POR: variants seen among roughly 807,000 people sequenced by gnomAD.
The protein encoded by POR is cytochrome p450 oxidoreductase.
POR carries 56 observed loss-of-function variants against 84.0 expected under a neutral mutation model. The observed-to-expected ratio is 0.67, with a 90% CI of 0.54 to 0.83. The LOEUF (loss-of-function observed/expected upper bound fraction) is 0.83. Among genes scored for constraint, POR ranks in the 40% least tolerant of loss-of-function variants. The pLI, the probability that POR is intolerant of heterozygous loss-of-function variation, is 0.00. For synonymous variants in POR, 414 were observed against 400.5 expected, an observed-to-expected ratio of 1.03 and a Z score of -0.40; for missense variants, 938 against 944.3, an observed-to-expected ratio of 0.99 and a Z score of 0.09.
At chr7:75,951,961 G>A (rs1304540988) in intron 1 of POR, among the ~76,000 whole-genome samples, 1 of 151,610 alleles carries the variant, frequency 6.6e-6, no homozygotes, top group Non-Finnish European at 1.5e-5. Context: ...GCCGGGCGGG[G>A]GGCTGACCCC....
chr7:75,945,680 G>A (rs1787143382), intron 1 of POR, among the ~76,000 whole-genome samples: 1 of 152,284 alleles, frequency 6.6e-6, no homozygotes, highest in South Asian at 2.1e-4. Context: ...CCTGCAGCCA[G>A]AAGGTGCAGC....
intron 1 of POR, among the ~76,000 whole-genome samples, chr7:75,931,559 G>A (rs1476551889): frequency 6.6e-6 from 1 of 151,840 alleles, no homozygotes; most frequent in African/African-American, 2.4e-5. Context: ...AGTAGAGACG[G>A]GGTTTCACCA....
In POR at chr7:75,969,082, G is replaced by A. The variant is rs973360731; in HGVS notation, c.189-3331G>A. Among the ~76,000 whole-genome samples the A allele has an allele frequency of 8.5e-5, 13 of 152,304 alleles. No individual in the cohort carries two copies. The East Asian group carries it at 1.9e-3, about 23-fold the overall frequency. ...TCTGCTCCCTTTGAAGCCCTGTGGC[G>A]TGAACCTGTCCTGTCCCATCCGTCC... On this transcript the variant is annotated intron_variant, in intron 2 of 15. Coordinates refer to ENST00000461988, the MANE Select transcript of POR (RefSeq NM_000941.3).
At chr7:75,984,544 C>T (rs1221323507) in intron 10 of POR, among the ~76,000 whole-genome samples, 2 of 152,164 alleles carry the variant, frequency 1.3e-5, no homozygotes, top group African/African-American at 4.8e-5. Context: ...AGGGGCTCCC[C>T]CGCACCTCCC....
chr7:75,971,036 A>T (rs1474381806), intron 2 of POR: 1 of 138,040 alleles, frequency 7.2e-6, no homozygotes, highest in Non-Finnish European at 1.6e-5. Flanking sequence ...ATCTCGGCTC[A>T]CTGCAACCTC....
chr7:75,980,434 C>A lies in POR; in HGVS notation c.462C>A (p.Asp154Glu). 2.5e-6 allele frequency: 4 copies of A among 1,613,342 alleles called. No individual in the cohort carries two copies. The highest frequency in any genetic ancestry group is 3.4e-6 in the Non-Finnish European group (4 of 1,179,882). The change falls in exon 5 of 16, where the codon GAC becomes GAA. Residue 154 changes from aspartate (D) to glutamate (E), a missense_variant. Transcript: ENST00000461988. ...GAGACCCCACCGACAATGCCCAGGA[C>A]TTCTACGACTGGCTGCAGGAGACAG...
Position 75,947,476 on chromosome 7 carries a change from G to T in POR, c.-4-6513G>T, listed in dbSNP as rs375740480. On this transcript the variant is annotated intron_variant, in intron 1 of 15. Transcript: ENST00000461988. ...CGCCCAGCTAATTTTTGTATTTTTAGTAGAGACGGGGTTTCACCATGTTGG... is the reference window on the plus strand; with the variant it reads ...CGCCCAGCTAATTTTTGTATTTTTATTAGAGACGGGGTTTCACCATGTTGG... Among the ~76,000 whole-genome samples the T allele has an allele frequency of 2.0e-4, 30 of 152,170 alleles. No individual in the cohort carries two copies. The East Asian group carries it at 5.6e-3, about 28-fold the overall frequency.
Position 75,979,494 on chromosome 7 carries a change from C to A in POR, c.281C>A (p.Ala94Glu). The change falls in exon 4 of 16, where the codon GCA becomes GAA. Residue 94 changes from alanine to glutamate, a missense_variant. By Grantham distance (107) the Ala-to-Glu change is moderately radical. Transcript: ENST00000461988. ...TTCTACGGCTCCCAGACGGGGACTG[C>A]AGAGGAGTTTGCCAACCGCCTGTCC... is the stretch of plus-strand genomic sequence containing the variant. 5 of 1,613,470 alleles carry A rather than the reference C, an allele frequency of 3.1e-6. No homozygotes were observed. Among genetic ancestry groups the A allele is most frequent in the Non-Finnish European group, 4.2e-6 (5 of 1,179,848 alleles).
chr7:75,980,250 G>A (rs1212569751), intron 4 of POR, 89 bp from the exon 5 acceptor site: 2 of 1,489,790 alleles, frequency 1.3e-6, no homozygotes, highest in Non-Finnish European at 1.8e-6. Context: ...GCCACCCTGG[G>A]CAGGACCTGG....
At chr7:75,956,331 T>C (rs1787683329) in intron 2 of POR, among the ~76,000 whole-genome samples, 2 of 152,144 alleles carry the variant, frequency 1.3e-5, no homozygotes, top group African/African-American at 4.8e-5. Context: ...GGTTCAATCT[T>C]ATCTCCATCA....
intron 1 of POR, among the ~76,000 whole-genome samples, chr7:75,928,893 G>A (rs1353299205): frequency 6.6e-6 from 1 of 152,092 alleles, no homozygotes; most frequent in East Asian, 1.9e-4. Flanking sequence ...AGCTCTCTTG[G>A]TGGTGTCTGA....
chr7:75,982,871 A>G (rs546948888), intron 8 of POR, among the ~76,000 whole-genome samples: 1 of 152,262 alleles, frequency 6.6e-6, no homozygotes, highest in Non-Finnish European at 1.5e-5. Flanking sequence ...TCCACGGTGT[A>G]GTCCAGGACG....
intron 3 of POR, among the ~76,000 whole-genome samples, chr7:75,975,860 C>T (rs908097979): frequency 8.0e-5 from 10 of 124,960 alleles, no homozygotes; most frequent in Admixed American, 3.0e-4. Context: ...CTCTGTTGCC[C>T]AGGCTGTTCT....
At chr7:75,949,722 G>T (rs1787329229) in intron 1 of POR, among the ~76,000 whole-genome samples, 1 of 151,950 alleles carries the variant, frequency 6.6e-6, no homozygotes, top group African/African-American at 2.4e-5. Context: ...GTTTCACCAT[G>T]TTGGCCAGGC....
intron 1 of POR, chr7:75,922,657 A>G (rs548142703): frequency 1.2e-4 from 30 of 260,182 alleles, no homozygotes; most frequent in Non-Finnish European, 1.3e-4. Context: ...TCCAAAGTAC[A>G]GTAGGAACTT....
At position 75,983,525 on chromosome 7, in the gene POR, T is replaced by G; in HGVS notation, c.836T>G (p.Phe279Cys). 6.2e-7 allele frequency: 1 copy of G among 1,612,402 alleles called. No homozygotes were observed. Residue 279 changes from phenylalanine to cysteine, a missense_variant, in exon 9 of 16, where the codon TTT becomes TGT. Coordinates refer to ENST00000461988, the MANE Select transcript of POR (RefSeq NM_000941.3). ...CTTCTCTCCTCCCCACCCAGCCCCT[T>G]TGATGCCAAGAATCCGTTCCTGGCT...
chr7:75,971,387 C>T (rs574578357), intron 2 of POR, among the ~76,000 whole-genome samples: 2 of 152,242 alleles, frequency 1.3e-5, no homozygotes, highest in East Asian at 1.9e-4. Context: ...ATTCAGCCAG[C>T]GTTTTTCACC....
chr7:75,965,455 C>A (rs782131781), intron 2 of POR, among the ~76,000 whole-genome samples: 9 of 152,170 alleles, frequency 5.9e-5, no homozygotes, highest in Non-Finnish European at 1.0e-4. Context: ...CTTCCTGCAC[C>A]ACGCTTTTGC....
In POR at chr7:75,981,054, G is replaced by T; in HGVS notation, c.523G>T (p.Gly175Cys). 1.3e-6 allele frequency: 2 copies of T among 1,573,500 alleles called. No individual in the cohort carries two copies. Among genetic ancestry groups the T allele is most frequent in the East Asian group, 2.3e-5 (1 of 42,662 alleles). Residue 175 changes from glycine (G) to cysteine (C), a missense_variant, in exon 6 of 16, where the codon GGT becomes TGT. Physicochemically the swap from Gly to Cys is radical, Grantham distance 159. Coordinates refer to ENST00000461988, the MANE Select transcript of POR (RefSeq NM_000941.3). Reference sequence around the variant, plus strand: ...GGCCCCTGTGTCCACGCAGGTGTTTGGTCTTGGGAACAAGACCTACGAGCA... The same window carrying T: ...GGCCCCTGTGTCCACGCAGGTGTTTTGTCTTGGGAACAAGACCTACGAGCA...
Sources: allele counts gnomAD v4.1 joint callset (sites outside exome capture counted in the v4.1 genomes callset), GRCh38; gene constraint gnomAD v4.1.1; transcripts MANE v1.5; gene names NCBI Gene and HGNC (gene_info 2026-07-23, HGNC 2026-07-21).